Variants in CMSS1 observed in about 807,000 individuals in gnomAD.
CMSS1 encodes the protein cms1 ribosomal small subunit homolog.
In CMSS1, 33 loss-of-function variants were observed where a neutral mutation model predicts 43.5. The observed-to-expected ratio is 0.76, with a 90% CI of 0.57 to 1.01. The LOEUF (loss-of-function observed/expected upper bound fraction) is 1.01, where lower values mean the gene tolerates loss of function less well. Ranked by LOEUF, CMSS1 falls within the 50% of genes least tolerant of loss-of-function variation. The pLI is 0.00. For missense variants in CMSS1, 313 were observed against 326.4 expected, an observed-to-expected ratio of 0.96 and a Z score of 0.32; for synonymous variants, 115 against 117.2, an observed-to-expected ratio of 0.98 and a Z score of 0.12.
chr3:99,832,215 A>G (rs1289096050), intron 1 of CMSS1, among the ~76,000 whole-genome samples: 3 of 149,670 alleles, frequency 2.0e-5, no homozygotes, highest in East Asian at 4.0e-4. Flanking sequence ...AACAACCCCA[A>G]TTGTCATTCC....
At chr3:100,055,471 T>A (rs1237071163) in intron 1 of CMSS1, among the ~76,000 whole-genome samples, 1 of 152,234 alleles carries the variant, frequency 6.6e-6, no homozygotes, top group Non-Finnish European at 1.5e-5. Flanking sequence ...AAAACTGATT[T>A]GTCTCTCGTT....
At chr3:100,069,097 T>C (rs2107366944) in intron 1 of CMSS1, among the ~76,000 whole-genome samples, 1 of 152,332 alleles carries the variant, frequency 6.6e-6, no homozygotes, top group Middle Eastern at 3.4e-3. Flanking sequence ...GTCTGGTGCC[T>C]CAAACTAGTT....
chr3:99,979,304 G>T (rs573592739), intron 1 of CMSS1, among the ~76,000 whole-genome samples: 22 of 151,990 alleles, frequency 1.4e-4, no homozygotes, highest in African/African-American at 5.3e-4. Context: ...TCTCTTTATG[G>T]CCTTCTTTTG....
At chr3:100,114,219 A>G (rs2066535684) in intron 1 of CMSS1, 2 of 151,956 alleles carry the variant, frequency 1.3e-5, no homozygotes, top group African/African-American at 2.4e-5. Context: ...AGAGTTTGCA[A>G]CCAGGGGCCA....
At chr3:100,092,216 A>G (rs912248082) in intron 1 of CMSS1, among the ~76,000 whole-genome samples, 1 of 152,202 alleles carries the variant, frequency 6.6e-6, no homozygotes, top group Non-Finnish European at 1.5e-5. Flanking sequence ...AAAAGAGTAA[A>G]TATTCTATAA....
intron 1 of CMSS1, among the ~76,000 whole-genome samples, chr3:99,974,561 T>A (rs1166348916): frequency 1.3e-5 from 2 of 151,918 alleles, no homozygotes; most frequent in Non-Finnish European, 2.9e-5. Flanking sequence ...AATACAAAAT[T>A]AGCCGGGTGG....
chr3:99,972,345 G>A (rs1018579834), intron 1 of CMSS1, among the ~76,000 whole-genome samples: 1 of 152,198 alleles, frequency 6.6e-6, no homozygotes, highest in Non-Finnish European at 1.5e-5. Flanking sequence ...TAATGCCATG[G>A]CAGGATTACT....
At chr3:100,071,608 G>A (rs1055826825) in intron 1 of CMSS1, among the ~76,000 whole-genome samples, 3 of 152,068 alleles carry the variant, frequency 2.0e-5, no homozygotes, top group Non-Finnish European at 2.9e-5. Flanking sequence ...TGATGTCCTC[G>A]GGCCAGTGTT....
chr3:99,995,261 C>G (rs992665788), intron 1 of CMSS1, among the ~76,000 whole-genome samples: 3 of 152,166 alleles, frequency 2.0e-5, no homozygotes, highest in African/African-American at 7.2e-5. Flanking sequence ...CCATGCAAGT[C>G]TGAAATTCAG....
chr3:99,897,869 A>T (rs775047954), intron 1 of CMSS1, among the ~76,000 whole-genome samples: 4 of 152,248 alleles, frequency 2.6e-5, no homozygotes, highest in Non-Finnish European at 5.9e-5. Flanking sequence ...TATATGTGGT[A>T]AAACAAATGA....
intron 1 of CMSS1, among the ~76,000 whole-genome samples, chr3:100,123,491 A>T (rs540761935): frequency 6.6e-6 from 1 of 152,272 alleles, no homozygotes; most frequent in Admixed American, 6.5e-5. Context: ...TTAACCTGGA[A>T]GTTTACATGA....
At chr3:99,892,101 C>G (rs1251819829) in intron 1 of CMSS1, among the ~76,000 whole-genome samples, 1 of 152,188 alleles carries the variant, frequency 6.6e-6, no homozygotes, top group Non-Finnish European at 1.5e-5. Flanking sequence ...TACCAAACCT[C>G]TGTGAGAAAT....
chr3:99,971,104 A>G (rs539180345), intron 1 of CMSS1, among the ~76,000 whole-genome samples: 7,886 of 152,188 alleles, frequency 0.052, 314 homozygotes, highest in South Asian at 0.15. Context: ...TTGGGAGGCC[A>G]AGGCGGGCGG....
intron 1 of CMSS1, among the ~76,000 whole-genome samples, chr3:99,895,350 T>G (rs1243927085): frequency 6.6e-6 from 1 of 152,030 alleles, no homozygotes; most frequent in East Asian, 1.9e-4. Flanking sequence ...TGGTCTCATA[T>G]ATTTAGTGAG....
chr3:100,037,198 A>T (rs762116651), intron 1 of CMSS1, among the ~76,000 whole-genome samples: 22 of 151,834 alleles, frequency 1.4e-4, no homozygotes, highest in Non-Finnish European at 2.1e-4. Context: ...TTGTGGAGTA[A>T]GTGAATTTCT....
intron 1 of CMSS1, among the ~76,000 whole-genome samples, chr3:100,124,552 T>C (rs1344874447): frequency 6.6e-6 from 1 of 152,206 alleles, no homozygotes; most frequent in Non-Finnish European, 1.5e-5. Context: ...AGCAGCCTCA[T>C]GTGATTAGGA....
intron 1 of CMSS1, among the ~76,000 whole-genome samples, chr3:99,892,639 G>A (rs1706120145): frequency 6.6e-6 from 1 of 152,174 alleles, no homozygotes; most frequent in Admixed American, 6.5e-5. Context: ...GCAACACCCA[G>A]AGGTGGAGAA....
At chr3:100,139,357 A>C (rs35503455) in intron 1 of CMSS1, among the ~76,000 whole-genome samples, 2 of 151,742 alleles carry the variant, frequency 1.3e-5, no homozygotes, top group Non-Finnish European at 1.5e-5. Flanking sequence ...TAAAAAAAAA[A>C]CCCTTGAAAC....
At chr3:100,069,040 G>C (rs1490600754) in intron 1 of CMSS1, among the ~76,000 whole-genome samples, 1 of 152,058 alleles carries the variant, frequency 6.6e-6, no homozygotes, top group Admixed American at 6.5e-5. Flanking sequence ...CACGTGATTT[G>C]GGCACTTCAT....
Sources: allele counts gnomAD v4.1 joint callset (sites outside exome capture counted in the v4.1 genomes callset), GRCh38; gene constraint gnomAD v4.1.1; transcripts MANE v1.5; gene names NCBI Gene and HGNC (gene_info 2026-07-23, HGNC 2026-07-21).